The following GRID1 variants were observed in gnomAD, a reference collection of about 807,000 sequenced individuals.
The protein encoded by GRID1 is glutamate ionotropic receptor delta type subunit 1, also known as glutamate receptor ionotropic, delta-1.
In GRID1, 28 loss-of-function variants were observed where a neutral mutation model predicts 98.0. That is an observed-to-expected ratio of 0.29 (90% CI 0.21 to 0.39). GRID1 has a LOEUF of 0.39. Ranked by LOEUF, GRID1 falls within the 10% of genes least tolerant of loss-of-function variation. The probability of loss-of-function intolerance (pLI) is 1.00; values close to 1 mark genes in which losing one functional copy is unlikely to be tolerated. For missense variants in GRID1, 1,111 were observed against 1,340.5 expected (o/e 0.83, Z 2.67); for synonymous variants, 553 against 538.5 (o/e 1.03, Z -0.37).
chr10:86,192,361 G>A lies in GRID1; in HGVS notation c.520+14003C>T, dbSNP rs992016420. 2.0e-5 allele frequency among the ~76,000 whole-genome samples: 3 copies of A among 152,214 alleles called. No homozygotes were observed. Among genetic ancestry groups the A allele is most frequent in the Non-Finnish European group, 4.4e-5 (3 of 68,042 alleles). On this transcript the variant is annotated intron_variant, in intron 3 of 15. Transcript: ENST00000327946. This position sits in a 1 kb window ranked among gnomAD's most constrained non-coding sequence, Gnocchi z 4.8. The stretch of plus-strand genomic sequence containing the variant: ...ATGGAATATTACTCAGCCTGAAAAA[G>A]GAAGGACGTTCTGATGCATGCCACA...
chr10:86,046,328 C>T (rs1301653499), intron 4 of GRID1, among the ~76,000 whole-genome samples: 2 of 152,338 alleles, frequency 1.3e-5, no homozygotes, highest in East Asian at 3.9e-4. Flanking sequence ...GGAGCAGTCA[C>T]TGAGCTGCAC....
intron 5 of GRID1, among the ~76,000 whole-genome samples, chr10:85,887,676 G>C (rs971020720): frequency 6.6e-6 from 1 of 152,130 alleles, no homozygotes; most frequent in African/African-American, 2.4e-5. Context: ...TTCCAACCCC[G>C]CCTTCTTCTC....
intron 2 of GRID1, among the ~76,000 whole-genome samples, chr10:86,242,666 C>T (rs767726518): frequency 2.6e-5 from 4 of 152,198 alleles, no homozygotes; most frequent in Admixed American, 1.3e-4. Context: ...ACCTCCAAAA[C>T]CCCTGTCCAG....
chr10:85,605,612 A>G (rs1842649810), intron 15 of GRID1: 1 of 152,208 alleles, frequency 6.6e-6, no homozygotes, highest in Non-Finnish European at 1.5e-5. Flanking sequence ...GGACTCAATT[A>G]AAGTGGGAAG....
intron 3 of GRID1, among the ~76,000 whole-genome samples, chr10:86,184,893 C>G (rs765744852): frequency 1.6e-4 from 25 of 152,000 alleles, no homozygotes; most frequent in Admixed American, 8.5e-4. Flanking sequence ...GTAGTGAAAT[C>G]GAAATTGAAG....
At position 86,112,609 on chromosome 10, in the gene GRID1, G is replaced by T. The variant is rs1252388820; in HGVS notation, c.726+26210C>A. On this transcript the variant is annotated intron_variant, in intron 4 of 15. Coordinates refer to ENST00000327946, the MANE Select transcript of GRID1 (RefSeq NM_017551.3). ...ATGACAACTGCGGCCGAGCAGGGGT[G>T]GGGGTGGGGGTTGTGATTGTGGTGT... 2.0e-5 allele frequency among the ~76,000 whole-genome samples: 3 copies of T among 152,036 alleles called. No individual in the cohort carries two copies. The East Asian group carries it at 5.8e-4, about 29-fold the overall frequency.
Position 85,926,765 on chromosome 10 carries a change from G to C in GRID1, c.727-10526C>G, listed in dbSNP as rs530485935. ...TGTGCAGAAGCCTGGAGGTGTGAAA[G>C]GGCATTCGATTTGTAGGGACTGTGG... On this transcript the variant is annotated intron_variant, in intron 4 of 15. Transcript: ENST00000327946. 4.6e-5 allele frequency among the ~76,000 whole-genome samples: 7 copies of C among 152,280 alleles called. No homozygotes were observed. The South Asian group carries it at 1.5e-3, about 32-fold the overall frequency.
chr10:85,655,345 C>A (rs1448567219), intron 12 of GRID1, among the ~76,000 whole-genome samples: 1 of 152,196 alleles, frequency 6.6e-6, no homozygotes, highest in Admixed American at 6.5e-5. Context: ...TAATGTTTTC[C>A]CTTTTAAGCT....
At chr10:85,907,011 T>C (rs921935698) in intron 5 of GRID1, among the ~76,000 whole-genome samples, 4 of 152,168 alleles carry the variant, frequency 2.6e-5, no homozygotes, top group Admixed American at 2.6e-4. Flanking sequence ...AGACAAGTAA[T>C]GAATATTATA....
intron 4 of GRID1, among the ~76,000 whole-genome samples, chr10:85,922,297 C>A (rs1841716607): frequency 6.6e-6 from 1 of 152,152 alleles, no homozygotes; most frequent in South Asian, 2.1e-4. Context: ...ACTTGCATTT[C>A]TTAAGTGTGA....
At chr10:86,343,082 C>T (rs1436040122) in intron 2 of GRID1, among the ~76,000 whole-genome samples, 4 of 152,202 alleles carry the variant, frequency 2.6e-5, no homozygotes, top group East Asian at 1.9e-4. Flanking sequence ...GCTGATAGCA[C>T]TCTCCATCAC....
chr10:86,223,917 G>GTGATAGACCAAGGACCAGCAGA, intron 2 of GRID1, among the ~76,000 whole-genome samples: 1 of 151,978 alleles, frequency 6.6e-6, no homozygotes. Flanking sequence ...GGACCAGCAA[G>GTGATAGACCAAGGACCAGCAGA]TGATAGACCA....
chr10:85,718,080 G>A (rs1389359048), intron 12 of GRID1, among the ~76,000 whole-genome samples: 1 of 152,198 alleles, frequency 6.6e-6, no homozygotes, highest in African/African-American at 2.4e-5. Context: ...TTGAGTGTCT[G>A]TGGCTTTTCC....
chr10:85,713,429 A>C (rs1354182094), intron 12 of GRID1, among the ~76,000 whole-genome samples: 1 of 151,804 alleles, frequency 6.6e-6, no homozygotes, highest in African/African-American at 2.4e-5. Context: ...CCCAAGAAAG[A>C]AAAATGCCAA....
chr10:86,250,615 G>A (rs189567436), intron 2 of GRID1, among the ~76,000 whole-genome samples: 2,001 of 136,864 alleles, frequency 0.015, 40 homozygotes, highest in African/African-American at 0.046. Context: ...GGCAGCCCCC[G>A]CCTGGCCAGC....
intron 8 of GRID1, among the ~76,000 whole-genome samples, chr10:85,807,873 C>T (rs1268835611): frequency 6.6e-6 from 1 of 152,106 alleles, no homozygotes; most frequent in African/African-American, 2.4e-5. Context: ...CATTTCTGTA[C>T]ATAGTCAAGA....
In GRID1 at chr10:85,727,897, A is replaced by T; in HGVS notation, c.1491T>A (p.His497Gln). Residue 497 changes from histidine (H) to glutamine (Q), a missense_variant, in exon 10 of 16, where the codon CAT (histidine) becomes CAA (glutamine). By Grantham distance (24) the His-to-Gln change is conservative (BLOSUM62 0). Coordinates refer to ENST00000327946, the MANE Select transcript of GRID1 (RefSeq NM_017551.3). ...CGATCATCCCGTTCCAGGAGGTGTTATGGAGCTGGTGACCGTACCTGCCAT... is the reference window on the plus strand; with the variant it reads ...CGATCATCCCGTTCCAGGAGGTGTTTTGGAGCTGGTGACCGTACCTGCCAT... ...APDGRYGHQL[H>Q]NTSWNGMIGE... 6.2e-7 allele frequency: 1 copy of T among 1,613,940 alleles called. No individual in the cohort carries two copies. The highest frequency in any genetic ancestry group is 8.5e-7 in the Non-Finnish European group (1 of 1,179,932).
chr10:85,610,401 G>A (rs764461465), intron 15 of GRID1, among the ~76,000 whole-genome samples: 14 of 152,036 alleles, frequency 9.2e-5, no homozygotes, highest in Non-Finnish European at 1.9e-4. Context: ...TCCTCACGTT[G>A]ACACTTCAGC....
intron 8 of GRID1, among the ~76,000 whole-genome samples, chr10:85,828,879 A>G (rs896993581): frequency 6.6e-6 from 1 of 152,304 alleles, no homozygotes; most frequent in South Asian, 2.1e-4. Context: ...CACCAGGTGT[A>G]TAAAGAAGAG....
Sources: allele counts gnomAD v4.1 joint callset (sites outside exome capture counted in the v4.1 genomes callset), GRCh38; gene constraint gnomAD v4.1.1; non-coding constraint Gnocchi (gnomAD v3.1); transcripts MANE v1.5; gene names NCBI Gene and HGNC (gene_info 2026-07-23, HGNC 2026-07-21).